Variants in SRGAP3 observed in about 807,000 individuals in gnomAD.
SRGAP3 encodes the protein SLIT-ROBO Rho GTPase-activating protein 3.
In SRGAP3, 39 loss-of-function variants were observed where a neutral mutation model predicts 121.1. That is an observed-to-expected ratio of 0.32 (90% CI 0.25 to 0.42). SRGAP3 has a LOEUF of 0.42. Ranked by LOEUF, SRGAP3 falls within the 10% of genes least tolerant of loss-of-function variation. The pLI is 1.00. For synonymous variants in SRGAP3, 601 were observed against 570.0 expected (o/e 1.05, Z -0.77); for missense variants, 1,213 against 1,470.6 (o/e 0.82, Z 2.86).
chr3:9,030,086 A>C (rs1019534092), intron 12 of SRGAP3, among the ~76,000 whole-genome samples: 2 of 152,214 alleles, frequency 1.3e-5, no homozygotes, highest in African/African-American at 4.8e-5. Flanking sequence ...CAAGAGGTCA[A>C]GGCTGCAGTG....
intron 3 of SRGAP3, among the ~76,000 whole-genome samples, chr3:9,311,459 A>G (rs1574993957): frequency 6.6e-6 from 1 of 152,216 alleles, no homozygotes; most frequent in East Asian, 1.9e-4. Context: ...AGAGCCAGCT[A>G]GTAAATATTT....
Position 9,060,085 on chromosome 3 carries a change from T to G in SRGAP3, c.801+146A>C, listed in dbSNP as rs117301259. 6.3e-3 allele frequency: 8,030 copies of G among 1,284,760 alleles called. 120 individuals are homozygous for G. The highest frequency in any genetic ancestry group is 0.057 in the East Asian group (2,408 of 42,214). 79.6% of individuals were successfully genotyped at this position (1,284,760 alleles called of 1,614,324 possible). A position where few individuals can be genotyped will look rare whatever the true frequency, so the allele number is the denominator to read the frequency against. Reference sequence around the variant, plus strand: ...TTCATTTTCCACCTCCCCAAATCACTGCCCTTCCCCTCCAGCAGGGCTCAA... The same window carrying G: ...TTCATTTTCCACCTCCCCAAATCACGGCCCTTCCCCTCCAGCAGGGCTCAA... On this transcript the variant is annotated intron_variant, in intron 6 of 21. Transcript: ENST00000383836.
intron 3 of SRGAP3, among the ~76,000 whole-genome samples, chr3:9,261,851 A>G (rs899613782): frequency 2.1e-5 from 3 of 145,940 alleles, no homozygotes; most frequent in African/African-American, 7.6e-5. Context: ...TACAGAGAAC[A>G]CCACAAAGAT....
At chr3:9,306,451 C>T (rs1409876210) in intron 3 of SRGAP3, among the ~76,000 whole-genome samples, 1 of 152,144 alleles carries the variant, frequency 6.6e-6, no homozygotes, top group Non-Finnish European at 1.5e-5. Flanking sequence ...GCTTTTGTTG[C>T]CCTTGCTTTT....
chr3:9,102,063 G>A (rs1026191372), intron 3 of SRGAP3, among the ~76,000 whole-genome samples: 2 of 152,238 alleles, frequency 1.3e-5, no homozygotes, highest in Non-Finnish European at 2.9e-5. Flanking sequence ...CAGACACCTG[G>A]CCTAGAAGCC....
chr3:9,262,318 C>T (rs1291829567), intron 3 of SRGAP3, among the ~76,000 whole-genome samples: 1 of 151,918 alleles, frequency 6.6e-6, no homozygotes. Context: ...GCAAAATAAC[C>T]AGCTAGCATC....
At chr3:9,196,173 C>A (rs570724217) in intron 1 of SRGAP3, among the ~76,000 whole-genome samples, 9 of 152,346 alleles carry the variant, frequency 5.9e-5, no homozygotes, top group African/African-American at 1.9e-4. Flanking sequence ...GTGAAACCAA[C>A]AACCATGCAT....
At chr3:9,329,330 T>A (rs569190842) in intron 2 of SRGAP3, among the ~76,000 whole-genome samples, 1 of 152,198 alleles carries the variant, frequency 6.6e-6, no homozygotes, top group Non-Finnish European at 1.5e-5. Context: ...TTCCTTTCCC[T>A]GAGGGGCCCC....
chr3:9,306,285 T>A (rs1313145845), intron 3 of SRGAP3, among the ~76,000 whole-genome samples: 2 of 152,248 alleles, frequency 1.3e-5, no homozygotes, highest in Non-Finnish European at 2.9e-5. Flanking sequence ...GTAAATTTGT[T>A]TAAGTTCTTT....
intron 1 of SRGAP3, among the ~76,000 whole-genome samples, chr3:9,247,976 CG>C (rs1953883437): frequency 6.6e-6 from 1 of 152,186 alleles, no homozygotes; most frequent in Admixed American, 6.5e-5. Flanking sequence ...GCGGCAAGCC[CG>C]CATTTAGCCA....
At chr3:9,348,347 A>C in intron 1 of SRGAP3, 3 of 436,028 alleles carry the variant, frequency 6.9e-6, no homozygotes, top group South Asian at 6.7e-5. Flanking sequence ...TGGAAAGAAA[A>C]GGGAGAAAGA....
chr3:9,176,213 A>T (rs1951175167), intron 1 of SRGAP3, among the ~76,000 whole-genome samples: 1 of 151,860 alleles, frequency 6.6e-6, no homozygotes, highest in Non-Finnish European at 1.5e-5. Context: ...AGCAACCACA[A>T]CCAGCCTAGC....
chr3:9,316,592 G>A (rs975877686), intron 3 of SRGAP3, among the ~76,000 whole-genome samples: 9 of 151,978 alleles, frequency 5.9e-5, no homozygotes, highest in Admixed American at 2.0e-4. Flanking sequence ...CCCAGGAGGC[G>A]GAGGTTGCAG....
intron 18 of SRGAP3, among the ~76,000 whole-genome samples, chr3:9,000,031 C>G (rs1942659452): frequency 1.3e-5 from 2 of 152,210 alleles, no homozygotes; most frequent in African/African-American, 4.8e-5. Context: ...TCCCTCTACT[C>G]CTGCTCCAAG....
rs1438734728 is a variant in SRGAP3, at chr3:8,981,219, A to G, written c.*4300T>C. On this transcript the variant is annotated 3_prime_UTR_variant, in exon 22 of 22. Coordinates refer to ENST00000383836, the MANE Select transcript of SRGAP3 (RefSeq NM_014850.4). ...TGTTCTATGTGGCTGCTCAGAGGAG[A>G]GGAGACCCCAGAGAACCGGGGAAGT... is the stretch of plus-strand genomic sequence containing the variant. 8.6e-6 allele frequency: 2 copies of G among 232,706 alleles called. No individual in the cohort carries two copies. The highest frequency in any genetic ancestry group is 1.7e-5 in the Non-Finnish European group (2 of 117,830). 14.4% of individuals were successfully genotyped at this position (232,706 alleles called of 1,614,324 possible). A position where few individuals can be genotyped will look rare whatever the true frequency, so the allele number is the denominator to read the frequency against.
rs554051710 is a variant in SRGAP3 at position 9,176,819 on chromosome 3, A to ATTCC, written c.68-51906_68-51903dup. 9.8e-4 allele frequency among the ~76,000 whole-genome samples: 150 copies of ATTCC among 152,286 alleles called. 3 individuals are homozygous for ATTCC. In the South Asian group the frequency reaches 0.031, roughly 31 times the overall value. ...AGATGGGCTAAGCCATTCAAGAGGG[A>ATTCC]TTCCTCCTCTACCCTGACCCAAACT... On this transcript the variant is annotated intron_variant, in intron 1 of 21. Transcript: ENST00000383836.
rs979223862 is a variant in SRGAP3 at position 8,982,966 on chromosome 3, G to A, written c.*2553C>T. The A allele has an allele frequency of 1.7e-5, 4 of 229,164 alleles. No individual in the cohort carries two copies. Among genetic ancestry groups the A allele is most frequent in the Non-Finnish European group, 2.6e-5 (3 of 115,622 alleles). The allele number at this position is 229,164 out of a possible 1,614,324, so 14.2% of individuals were successfully genotyped here. The stretch of plus-strand genomic sequence containing the variant: ...AGTCAATTCAGAGAAAAATCCACAC[G>A]GTCTGATTGGTGTTATGTATATCAG... On this transcript the variant is annotated 3_prime_UTR_variant, in exon 22 of 22. Transcript: ENST00000383836.
chr3:9,097,492 C>A (rs1020780267), intron 3 of SRGAP3, among the ~76,000 whole-genome samples: 1 of 152,146 alleles, frequency 6.6e-6, no homozygotes, highest in African/African-American at 2.4e-5. Flanking sequence ...CAGAGTCCGG[C>A]CCCAGCCTTG....
chr3:9,060,428 C>CATTTTTT, intron 5 of SRGAP3, 69 bp from the exon 6 acceptor site: 1 of 1,175,388 alleles, frequency 8.5e-7, no homozygotes, highest in South Asian at 1.5e-5. Context: ...TTTTCTATTC[C>CATTTTTT]TTTTTTTTTT....
Sources: allele counts gnomAD v4.1 joint callset (sites outside exome capture counted in the v4.1 genomes callset), GRCh38; gene constraint gnomAD v4.1.1; transcripts MANE v1.5; gene names NCBI Gene and HGNC (gene_info 2026-07-23, HGNC 2026-07-21).